EFCAB6: variants seen among roughly 807,000 people sequenced by gnomAD.
EFCAB6 encodes the protein EF-hand calcium binding domain 6.
In EFCAB6, 156 loss-of-function variants were observed where a neutral mutation model predicts 169.8. That is an observed-to-expected ratio of 0.92 (90% CI 0.81 to 1.05). The LOEUF (loss-of-function observed/expected upper bound fraction) is 1.05, where lower values mean the gene tolerates loss of function less well. Among genes scored for constraint, EFCAB6 ranks in the 50% least tolerant of loss-of-function variants. The probability of loss-of-function intolerance (pLI) is 0.00; values close to 1 mark genes in which losing one functional copy is unlikely to be tolerated. For missense variants in EFCAB6, 1,800 were observed against 1,829.1 expected, an observed-to-expected ratio of 0.98 and a Z score of 0.29; for synonymous variants, 698 against 676.4, an observed-to-expected ratio of 1.03 and a Z score of -0.50.
intron 19 of EFCAB6, among the ~76,000 whole-genome samples, chr22:43,627,410 G>A (rs1306458576): frequency 6.6e-6 from 1 of 152,220 alleles, no homozygotes; most frequent in Non-Finnish European, 1.5e-5. Context: ...ACCTTGTGAT[G>A]CTTCTGTTTT....
chr22:43,747,498 T>C (rs2060607336), intron 6 of EFCAB6, among the ~76,000 whole-genome samples: 2 of 152,160 alleles, frequency 1.3e-5, no homozygotes, highest in Admixed American at 1.3e-4. Flanking sequence ...GTTTCTGCCT[T>C]GGTGACCTGA....
chr22:43,601,738 G>A (rs571714373), intron 22 of EFCAB6, among the ~76,000 whole-genome samples: 11 of 152,254 alleles, frequency 7.2e-5, no homozygotes, highest in Non-Finnish European at 1.2e-4. Flanking sequence ...GCAGATAGAC[G>A]TTTGGGTAAA....
intron 10 of EFCAB6, among the ~76,000 whole-genome samples, chr22:43,710,628 C>T (rs564468207): frequency 6.6e-6 from 1 of 152,172 alleles, no homozygotes; most frequent in South Asian, 2.1e-4. Flanking sequence ...AGTCCTCCAA[C>T]CAGTAAGAGA....
At chr22:43,644,257 C>T (rs1004912274) in intron 17 of EFCAB6, among the ~76,000 whole-genome samples, 3 of 152,070 alleles carry the variant, frequency 2.0e-5, no homozygotes, top group Admixed American at 6.6e-5. Context: ...AGGCTTAGCA[C>T]GTTCCAGGTC....
At chr22:43,676,712 G>C (rs1043053857) in intron 13 of EFCAB6, among the ~76,000 whole-genome samples, 1 of 152,138 alleles carries the variant, frequency 6.6e-6, no homozygotes, top group Non-Finnish European at 1.5e-5. Flanking sequence ...ACCAAGAGGA[G>C]GTAATTTAAA....
chr22:43,584,806 C>T (rs2050952070), intron 24 of EFCAB6, among the ~76,000 whole-genome samples: 1 of 152,190 alleles, frequency 6.6e-6, no homozygotes, highest in Non-Finnish European at 1.5e-5. Flanking sequence ...TTTACCACCA[C>T]ATCAACCCAG....
At chr22:43,570,872 C>G (rs915502938) in intron 26 of EFCAB6, among the ~76,000 whole-genome samples, 1 of 152,210 alleles carries the variant, frequency 6.6e-6, no homozygotes, top group Non-Finnish European at 1.5e-5. Flanking sequence ...GGATGAGCCC[C>G]AGGCCTTCTG....
At position 43,744,894 on chromosome 22, in the gene EFCAB6, T is replaced by G. The variant is rs4823138; in HGVS notation, c.508-8901A>C. On this transcript the variant is annotated intron_variant, in intron 6 of 31. Coordinates refer to ENST00000262726, the MANE Select transcript of EFCAB6 (RefSeq NM_022785.4). The surrounding 1 kb of genome is among the most constrained non-coding windows in gnomAD (Gnocchi z 4.3). The stretch of plus-strand genomic sequence containing the variant: ...CTACCCACTCCAGGGCCCTCGGGCT[T>G]GGAGGAGCTGAGAAGGGCGTGCTGA... 0.88 allele frequency among the ~76,000 whole-genome samples: 133,647 copies of G among 152,124 alleles called. 58,756 individuals carry two copies. The highest frequency in any genetic ancestry group is 0.99 in the East Asian group (5,104 of 5,150).
rs1556073710 is a variant in EFCAB6 at position 43,687,451 on chromosome 22, T to TTG, written c.1142+19_1142+20insCA. On this transcript the variant is annotated intron_variant, in intron 11 of 31. Transcript: ENST00000262726. The stretch of plus-strand genomic sequence containing the variant: ...TGATATGTGTAACTAAAATTTGTTT[T>TTG]TTTTTTTTTTTTTACATACCTATTT... 8.2e-6 allele frequency: 11 copies of TTG among 1,348,678 alleles called. No individual in the cohort carries two copies. Among genetic ancestry groups the TTG allele is most frequent in the Middle Eastern group, 2.3e-4 (1 of 4,368 alleles). 83.5% of individuals were successfully genotyped at this position (1,348,678 alleles called of 1,614,324 possible).
At chr22:43,691,620 C>A (rs1441681074) in intron 10 of EFCAB6, among the ~76,000 whole-genome samples, 4 of 151,776 alleles carry the variant, frequency 2.6e-5, no homozygotes, top group South Asian at 4.1e-4. Context: ...TTTTTGTATA[C>A]CATAAACAAA....
intron 20 of EFCAB6, among the ~76,000 whole-genome samples, chr22:43,618,226 A>AAG (rs1282145555): frequency 7.1e-4 from 103 of 144,862 alleles, no homozygotes; most frequent in Non-Finnish European, 1.0e-3. Context: ...AAGAAAGAGA[A>AAG]AGAAAGAAAG....
intron 10 of EFCAB6, among the ~76,000 whole-genome samples, chr22:43,697,511 TC>T (rs2058619341): frequency 6.6e-6 from 1 of 152,220 alleles, no homozygotes; most frequent in African/African-American, 2.4e-5. Flanking sequence ...TTCTTTTTTT[TC>T]CTTTATAGTT....
chr22:43,765,923 T>C (rs2061313247), intron 4 of EFCAB6, among the ~76,000 whole-genome samples: 1 of 152,178 alleles, frequency 6.6e-6, no homozygotes, highest in Non-Finnish European at 1.5e-5. Context: ...TTTGCTGACA[T>C]TGATAGGTGC....
intron 22 of EFCAB6, among the ~76,000 whole-genome samples, chr22:43,606,019 G>A (rs1197106607): frequency 6.6e-6 from 1 of 152,178 alleles, no homozygotes; most frequent in South Asian, 2.1e-4. Context: ...GGGGTCACCA[G>A]GTGAATGTGT....
In EFCAB6 at chr22:43,769,260, A is replaced by G. The variant is rs139843358; in HGVS notation, c.351+3632T>C. On this transcript the variant is annotated intron_variant, in intron 4 of 31. Transcript: ENST00000262726. ...GATCATATCTTGTATGACTCCATTGATATGAAATATCCAGAATCTATAATG... is the reference window on the plus strand; with the variant it reads ...GATCATATCTTGTATGACTCCATTGGTATGAAATATCCAGAATCTATAATG... Among the ~76,000 whole-genome samples, 645 of 152,370 alleles carry G rather than the reference A, an allele frequency of 4.2e-3. 2 individuals are homozygous for G. Among genetic ancestry groups the G allele is most frequent in the Middle Eastern group, 0.027 (8 of 294 alleles).
At chr22:43,591,405 G>A (rs528239132) in intron 23 of EFCAB6, among the ~76,000 whole-genome samples, 6 of 150,472 alleles carry the variant, frequency 4.0e-5, no homozygotes, top group Admixed American at 2.0e-4. Flanking sequence ...TGCAATGAGC[G>A]GAGATCATGC....
At chr22:43,532,124 G>A (rs886292697) in intron 30 of EFCAB6, 4 of 152,110 alleles carry the variant, frequency 2.6e-5, no homozygotes, top group Admixed American at 1.3e-4. Flanking sequence ...CTCCGGTCTG[G>A]TGCAGGGATT....
At chr22:43,529,047 G>A (rs544323231) in intron 31 of EFCAB6, 72 bp from the exon 32 acceptor site, 2 of 1,473,988 alleles carry the variant, frequency 1.4e-6, no homozygotes, top group African/African-American at 2.8e-5. Context: ...CTGCCAGGAA[G>A]GGGCTGGGGG....
intron 6 of EFCAB6, among the ~76,000 whole-genome samples, chr22:43,745,432 C>T (rs1269817293): frequency 6.6e-6 from 1 of 152,182 alleles, no homozygotes; most frequent in Non-Finnish European, 1.5e-5. Flanking sequence ...TATTGGCTTC[C>T]GTGTAGCTGT....
Sources: allele counts gnomAD v4.1 joint callset (sites outside exome capture counted in the v4.1 genomes callset), GRCh38; gene constraint gnomAD v4.1.1; non-coding constraint Gnocchi (gnomAD v3.1); transcripts MANE v1.5; gene names NCBI Gene and HGNC (gene_info 2026-07-23, HGNC 2026-07-21).